SOX5: variants seen among roughly 807,000 people sequenced by gnomAD.
SOX5 encodes transcription factor SOX-5.
Under a neutral mutation model 92.0 loss-of-function variants are expected in SOX5, and 9 were observed. That is an observed-to-expected ratio of 0.10 (90% CI 0.06 to 0.17). The LOEUF is 0.17. Ranked by LOEUF, SOX5 falls within the 10% of genes least tolerant of loss-of-function variation. The probability of loss-of-function intolerance (pLI) is 1.00; values close to 1 mark genes in which losing one functional copy is unlikely to be tolerated. For missense variants in SOX5, 642 were observed against 944.5 expected (o/e 0.68, Z 4.20); for synonymous variants, 344 against 336.3 (o/e 1.02, Z -0.25).
intron 3 of SOX5, chr12:24,230,585 G>A (rs552690680): frequency 2.0e-5 from 3 of 152,326 alleles, no homozygotes; most frequent in Admixed American, 6.5e-5. Flanking sequence ...TGGAGAAAGA[G>A]AGGGACTCCG....
chr12:23,604,126 A>C (rs940688353), intron 9 of SOX5: 2 of 370,112 alleles, frequency 5.4e-6, no homozygotes. Context: ...CCTTGGGTAC[A>C]AGATACCCAT....
intron 2 of SOX5, among the ~76,000 whole-genome samples, chr12:24,329,180 G>A (rs1307146413): frequency 1.3e-5 from 2 of 152,080 alleles, no homozygotes; most frequent in Admixed American, 6.5e-5. Context: ...TTACAATCTA[G>A]TAGTTTAGCA....
chr12:23,716,200 C>CCAAA (rs2092482671), intron 6 of SOX5, among the ~76,000 whole-genome samples: 2 of 152,086 alleles, frequency 1.3e-5, no homozygotes, highest in Non-Finnish European at 2.9e-5. Flanking sequence ...TAGGCTAATA[C>CCAAA]CAAAATTCAA....
intron 2 of SOX5, among the ~76,000 whole-genome samples, chr12:23,891,433 T>C (rs886987561): frequency 2.0e-5 from 3 of 152,224 alleles, no homozygotes; most frequent in African/African-American, 7.2e-5. Flanking sequence ...TTAAGTTTTA[T>C]ACTGAAAGCA....
At chr12:23,641,221 T>A (rs1285525232) in intron 7 of SOX5, among the ~76,000 whole-genome samples, 1 of 152,076 alleles carries the variant, frequency 6.6e-6, no homozygotes, top group African/African-American at 2.4e-5. Context: ...CACACAATTT[T>A]AATATGAGCA....
chr12:24,017,004 G>A (rs1040598815), intron 4 of SOX5, among the ~76,000 whole-genome samples: 6 of 152,118 alleles, frequency 3.9e-5, no homozygotes, highest in Admixed American at 6.6e-5. Context: ...TAATATAGTC[G>A]GTGGAAATAA....
At chr12:24,434,030 G>A (rs960808548) in intron 1 of SOX5, among the ~76,000 whole-genome samples, 4 of 152,188 alleles carry the variant, frequency 2.6e-5, no homozygotes, top group South Asian at 2.1e-4. Context: ...AGAACCAGGA[G>A]AGAGAACAGT....
At chr12:23,712,667 C>T (rs1165623291) in intron 6 of SOX5, among the ~76,000 whole-genome samples, 1 of 152,152 alleles carries the variant, frequency 6.6e-6, no homozygotes. Flanking sequence ...TCCTTTGACA[C>T]TAAGTTCAGA....
chr12:23,604,314 T>C, intron 9 of SOX5, 73 bp downstream of exon 9: 2 of 1,533,812 alleles, frequency 1.3e-6, no homozygotes, highest in Non-Finnish European at 1.8e-6. Context: ...TGGCATACAA[T>C]AGACATTTAA....
chr12:24,098,526 G>A (rs1412259981), intron 4 of SOX5, among the ~76,000 whole-genome samples: 1 of 152,106 alleles, frequency 6.6e-6, no homozygotes, highest in Non-Finnish European at 1.5e-5. Context: ...AACAGGACAA[G>A]TTTAGAGAAC....
At chr12:24,229,922 C>T (rs1963009508) in intron 3 of SOX5, among the ~76,000 whole-genome samples, 1 of 152,178 alleles carries the variant, frequency 6.6e-6, no homozygotes, top group Admixed American at 6.5e-5. Flanking sequence ...AAACTGCCCT[C>T]ACTGGTCATC....
At chr12:24,143,554 C>T (rs1950781157) in intron 4 of SOX5, among the ~76,000 whole-genome samples, 1 of 151,604 alleles carries the variant, frequency 6.6e-6, no homozygotes. Context: ...TTCCCAAGGA[C>T]AAAAAGAGCA....
At chr12:24,211,836 T>C (rs191545113) in intron 4 of SOX5, among the ~76,000 whole-genome samples, 5 of 152,344 alleles carry the variant, frequency 3.3e-5, no homozygotes, top group Admixed American at 2.6e-4. Flanking sequence ...CCTTCCTTCT[T>C]TATTTTGCTT....
chr12:24,381,236 T>C (rs1957795485), intron 1 of SOX5, among the ~76,000 whole-genome samples: 1 of 152,228 alleles, frequency 6.6e-6, no homozygotes. Context: ...AACATTCTGT[T>C]TCATAAAGAG....
intron 4 of SOX5, among the ~76,000 whole-genome samples, chr12:24,102,692 A>AGTCTT (rs892978049): frequency 6.6e-6 from 1 of 152,224 alleles, no homozygotes; most frequent in Non-Finnish European, 1.5e-5. Flanking sequence ...GTTGCATTAA[A>AGTCTT]GTCTTCTCAA....
chr12:24,245,188 C>A (rs1265320504), intron 3 of SOX5, among the ~76,000 whole-genome samples: 1 of 151,330 alleles, frequency 6.6e-6, no homozygotes, highest in Non-Finnish European at 1.5e-5. Context: ...TACCAATAGA[C>A]TATGAGCTGC....
chr12:23,909,638 C>T (rs550226863), intron 1 of SOX5, among the ~76,000 whole-genome samples: 3 of 152,226 alleles, frequency 2.0e-5, no homozygotes, highest in Admixed American at 2.0e-4. Flanking sequence ...ACAGTTTCCC[C>T]CTTAGCTTAA....
intron 1 of SOX5, among the ~76,000 whole-genome samples, chr12:24,376,994 A>G (rs1957352683): frequency 6.6e-6 from 1 of 151,846 alleles, no homozygotes; most frequent in Non-Finnish European, 1.5e-5. Flanking sequence ...TACAGGCATA[A>G]TCTCGACATG....
At chr12:23,783,790 C>T (rs1020085177) in intron 3 of SOX5, among the ~76,000 whole-genome samples, 3 of 152,120 alleles carry the variant, frequency 2.0e-5, no homozygotes, top group African/African-American at 7.2e-5. Flanking sequence ...AACTGACAGG[C>T]TCCAAAGAGG....
Sources: allele counts gnomAD v4.1 joint callset (sites outside exome capture counted in the v4.1 genomes callset), GRCh38; gene constraint gnomAD v4.1.1; transcripts MANE v1.5; gene names NCBI Gene and HGNC (gene_info 2026-07-23, HGNC 2026-07-21).